The following SMOC1 variants were observed in gnomAD, a reference collection of about 807,000 sequenced individuals.
SMOC1 encodes SPARC related modular calcium binding 1, also known as SPARC-related modular calcium-binding protein 1.
SMOC1 carries 22 observed loss-of-function variants against 56.3 expected under a neutral mutation model. The observed-to-expected ratio is 0.39, with a 90% CI of 0.28 to 0.56. The LOEUF (loss-of-function observed/expected upper bound fraction) is 0.56. Among genes scored for constraint, SMOC1 ranks in the 20% least tolerant of loss-of-function variants. The probability of loss-of-function intolerance (pLI) is 0.61; values close to 1 mark genes in which losing one functional copy is unlikely to be tolerated. For synonymous variants in SMOC1, 193 were observed against 215.0 expected (o/e 0.90, Z 0.89); for missense variants, 509 against 565.4 (o/e 0.90, Z 1.01).
intron 7 of SMOC1, among the ~76,000 whole-genome samples, chr14:70,002,893 GTC>G (rs1885017897): frequency 6.6e-6 from 1 of 152,192 alleles, no homozygotes; most frequent in Non-Finnish European, 1.5e-5. Context: ...ACCACATCTA[GTC>G]CCTGTGCTAA....
intron 3 of SMOC1, among the ~76,000 whole-genome samples, chr14:69,954,351 T>C (rs1883113100): frequency 6.6e-6 from 1 of 152,176 alleles, no homozygotes. Flanking sequence ...GCTTATTTTT[T>C]AGAGACAGGA....
chr14:70,010,647 TG>T, intron 7 of SMOC1, 106 bp from the exon 8 acceptor site: 1 of 1,202,932 alleles, frequency 8.3e-7, no homozygotes, highest in Admixed American at 1.8e-5. Flanking sequence ...CATCAGTTCC[TG>T]GGTCCAGGCC....
chr14:69,917,641 T>C (rs1328652534), intron 1 of SMOC1, among the ~76,000 whole-genome samples: 1 of 152,232 alleles, frequency 6.6e-6, no homozygotes, highest in Admixed American at 6.5e-5. Context: ...TGGTAACACA[T>C]CGGTTGTTCA....
chr14:69,957,982 T>C (rs1283449582), intron 3 of SMOC1, among the ~76,000 whole-genome samples: 1 of 152,206 alleles, frequency 6.6e-6, no homozygotes, highest in Non-Finnish European at 1.5e-5. Context: ...AAAGACAATA[T>C]ACAAACAATA....
At chr14:69,965,730 A>T (rs1020236744) in intron 3 of SMOC1, among the ~76,000 whole-genome samples, 3 of 152,112 alleles carry the variant, frequency 2.0e-5, no homozygotes, top group African/African-American at 7.2e-5. Flanking sequence ...TGAGGAGGAA[A>T]ACACCACTTT....
At chr14:69,906,913 G>A in intron 1 of SMOC1, among the ~76,000 whole-genome samples, 1 of 152,214 alleles carries the variant, frequency 6.6e-6, no homozygotes, top group East Asian at 1.9e-4. Context: ...GTGGAAATTA[G>A]ATGGAGATGC....
intron 11 of SMOC1, among the ~76,000 whole-genome samples, chr14:70,030,041 G>A (rs1055057690): frequency 1.3e-5 from 2 of 152,152 alleles, no homozygotes; most frequent in African/African-American, 4.8e-5. Context: ...CAAAGGACAG[G>A]CTGGTAAAAC....
chr14:69,897,240 C>T (rs1225347950), intron 1 of SMOC1, among the ~76,000 whole-genome samples: 2 of 152,194 alleles, frequency 1.3e-5, no homozygotes, highest in African/African-American at 4.8e-5. Context: ...CCCGCCAGGT[C>T]TCTTTCAGAA....
At chr14:69,902,780 C>T (rs969092416) in intron 1 of SMOC1, among the ~76,000 whole-genome samples, 4 of 152,198 alleles carry the variant, frequency 2.6e-5, no homozygotes, top group African/African-American at 9.6e-5. Context: ...CCACGCCTGA[C>T]TGGTTTTCGT....
intron 1 of SMOC1, among the ~76,000 whole-genome samples, chr14:69,902,594 T>C (rs1010232136): frequency 6.6e-6 from 1 of 151,862 alleles, no homozygotes; most frequent in African/African-American, 2.4e-5. Flanking sequence ...AAGAAAACCA[T>C]CTAGCCCTCT....
In SMOC1 at chr14:69,900,459, G is replaced by A. The variant is rs1288001966; in HGVS notation, c.99+20682G>A. On this transcript the variant is annotated intron_variant, in intron 1 of 11. Coordinates refer to ENST00000361956, the MANE Select transcript of SMOC1 (RefSeq NM_001034852.3). ...GAGATAGTCCCTCGTTTATGGAGCA[G>A]TACATAATGGACAGCACTTATAACA... 2.6e-5 allele frequency among the ~76,000 whole-genome samples: 4 copies of A among 152,252 alleles called. No individual in the cohort carries two copies. The South Asian group carries it at 8.3e-4, about 32-fold the overall frequency.
intron 10 of SMOC1, among the ~76,000 whole-genome samples, chr14:70,017,991 C>T (rs1484194364): frequency 6.6e-6 from 1 of 152,000 alleles, no homozygotes; most frequent in Non-Finnish European, 1.5e-5. Flanking sequence ...GAGGTGTGAA[C>T]AGGGTAGGAA....
rs1884837892 is a variant in SMOC1, at chr14:69,998,121, G to C, written c.664+3641G>C. Reference sequence around the variant, plus strand: ...ACAGACTCTCCTAGTCTCCCTCTCTGCTCCTGGAAGTTTTGGCCCTTGTTT... The same window carrying C: ...ACAGACTCTCCTAGTCTCCCTCTCTCCTCCTGGAAGTTTTGGCCCTTGTTT... On this transcript the variant is annotated intron_variant, in intron 7 of 11. Coordinates refer to ENST00000361956, the MANE Select transcript of SMOC1 (RefSeq NM_001034852.3). 2.0e-5 allele frequency among the ~76,000 whole-genome samples: 3 copies of C among 152,264 alleles called. No homozygotes were observed. In the South Asian group the frequency reaches 6.2e-4, roughly 32 times the overall value.
intron 1 of SMOC1, among the ~76,000 whole-genome samples, chr14:69,895,528 A>T (rs1175269453): frequency 2.0e-5 from 3 of 152,186 alleles, no homozygotes; most frequent in African/African-American, 4.8e-5. Context: ...ACCCATCTTG[A>T]GAGTAGAAGT....
At chr14:70,021,562 T>C (rs1885725522) in intron 10 of SMOC1, among the ~76,000 whole-genome samples, 1 of 152,144 alleles carries the variant, frequency 6.6e-6, no homozygotes, top group Admixed American at 6.5e-5. Context: ...CCAGGTACTC[T>C]TTGAGTTAAA....
intron 1 of SMOC1, among the ~76,000 whole-genome samples, chr14:69,907,385 A>G (rs886755205): frequency 3.3e-5 from 5 of 152,070 alleles, no homozygotes; most frequent in African/African-American, 4.8e-5. Context: ...CTGATTATCT[A>G]TTTTCTTGCT....
rs1032490097 is a variant in SMOC1, at chr14:70,031,086, C to G, written c.*828C>G. ...AGTGACCCTCGGAGCAAATTATCCACAAAGGATTTGCATTACGTCACTCGA... is the reference window on the plus strand; with the variant it reads ...AGTGACCCTCGGAGCAAATTATCCAGAAAGGATTTGCATTACGTCACTCGA... On this transcript the variant is annotated 3_prime_UTR_variant, in exon 12 of 12. Transcript: ENST00000361956. 1 of 152,168 alleles carries G rather than the reference C, an allele frequency of 6.6e-6. No homozygotes were observed. The highest frequency in any genetic ancestry group is 2.4e-5 in the African/African-American group (1 of 41,424). 9.4% of individuals were successfully genotyped at this position (152,168 alleles called of 1,614,324 possible).
At chr14:69,995,771 A>T (rs1468710511) in intron 7 of SMOC1, among the ~76,000 whole-genome samples, 1 of 152,226 alleles carries the variant, frequency 6.6e-6, no homozygotes, top group Non-Finnish European at 1.5e-5. Context: ...TATTATTATC[A>T]TTATTATTGG....
chr14:69,949,266 C>G (rs776098352), intron 1 of SMOC1, among the ~76,000 whole-genome samples: 1 of 152,102 alleles, frequency 6.6e-6, no homozygotes, highest in Admixed American at 6.5e-5. Flanking sequence ...GTGGCCCCAG[C>G]GATCCCTGGG....
Sources: gnomAD v4.1 joint callset for allele counts (sites outside exome capture counted in the v4.1 genomes callset) on GRCh38, gnomAD v4.1.1 for gene constraint, MANE v1.5 for transcripts, NCBI Gene and HGNC (gene_info 2026-07-23, HGNC 2026-07-21) for gene names.